ATP10B: variants seen among roughly 807,000 people sequenced by gnomAD.
ATP10B encodes the protein phospholipid-transporting ATPase VB.
In ATP10B, 122 loss-of-function variants were observed where a neutral mutation model predicts 141.2. That is an observed-to-expected ratio of 0.86 (90% CI 0.75 to 1.00). ATP10B has a LOEUF of 1.00. ATP10B is among the 50% of genes least tolerant of loss of function. The pLI is 0.00. For synonymous variants in ATP10B, 685 were observed against 692.0 expected (o/e 0.99, Z 0.16); for missense variants, 1,876 against 1,825.3 (o/e 1.03, Z -0.51).
intron 21 of ATP10B, among the ~76,000 whole-genome samples, chr5:160,601,372 C>CT (rs1757089584): frequency 6.6e-6 from 1 of 152,292 alleles, no homozygotes; most frequent in Non-Finnish European, 1.5e-5. Context: ...TAATCCTCCC[C>CT]TTTTACTTAT....
At chr5:160,616,512 G>C (rs115517256) in intron 16 of ATP10B, among the ~76,000 whole-genome samples, 2,344 of 152,306 alleles carry the variant, frequency 0.015, 27 homozygotes, top group Middle Eastern at 0.075. Context: ...AGAAAGTTCA[G>C]AAATGAGGCT....
chr5:160,848,817 A>T (rs1415094444), intron 1 of ATP10B, among the ~76,000 whole-genome samples: 5 of 152,196 alleles, frequency 3.3e-5, no homozygotes, highest in Non-Finnish European at 7.3e-5. Flanking sequence ...TGATCTAGCT[A>T]TTTGATATAA....
At chr5:160,650,205 CACACATAT>C (rs1274763207) in intron 7 of ATP10B, among the ~76,000 whole-genome samples, 1 of 151,502 alleles carries the variant, frequency 6.6e-6, no homozygotes, top group Non-Finnish European at 1.5e-5. Context: ...CACACACATA[CACACATAT>C]GTACATATAC....
intron 1 of ATP10B, among the ~76,000 whole-genome samples, chr5:160,795,735 C>T (rs546338449): frequency 5.3e-5 from 8 of 151,802 alleles, no homozygotes; most frequent in South Asian, 2.1e-4. Context: ...TAAAAGGCAA[C>T]GCGACCACAG....
At chr5:160,714,694 C>A (rs1765483191) in intron 3 of ATP10B, among the ~76,000 whole-genome samples, 1 of 108,034 alleles carries the variant, frequency 9.3e-6, no homozygotes, top group Non-Finnish European at 1.9e-5. Context: ...AGGCGCTCTG[C>A]GTTTTAGAGT....
chr5:160,852,666 G>C (rs1350656903), upstream of ATP10B, among the ~76,000 whole-genome samples: 1 of 152,078 alleles, frequency 6.6e-6, no homozygotes, highest in Non-Finnish European at 1.5e-5. Flanking sequence ...ATATATTATA[G>C]TGGCAGATTA....
At chr5:160,806,172 C>G (rs1772758824) in intron 1 of ATP10B, among the ~76,000 whole-genome samples, 1 of 151,682 alleles carries the variant, frequency 6.6e-6, no homozygotes, top group Non-Finnish European at 1.5e-5. Context: ...TCTGGAAACA[C>G]TCTCACAGAT....
chr5:160,684,771 C>T, intron 6 of ATP10B: 1 of 622,438 alleles, frequency 1.6e-6, no homozygotes, highest in Non-Finnish European at 2.9e-6. Flanking sequence ...ACAGTAACTG[C>T]AGTGATAGCA....
chr5:160,767,578 TAGA>T (rs1350938807), intron 2 of ATP10B, among the ~76,000 whole-genome samples: 1 of 147,818 alleles, frequency 6.8e-6, no homozygotes, highest in Non-Finnish European at 1.5e-5. Flanking sequence ...ATTACTTTGG[TAGA>T]AGCAAAAAAA....
intron 6 of ATP10B, among the ~76,000 whole-genome samples, chr5:160,685,711 A>AT (rs1763707241): frequency 6.6e-6 from 1 of 152,178 alleles, no homozygotes; most frequent in African/African-American, 2.4e-5. Flanking sequence ...ATAATACTGC[A>AT]TCTGTGTGCT....
chr5:160,893,676 C>T, the ATP10B span, among the ~76,000 whole-genome samples: 1 of 152,224 alleles, frequency 6.6e-6, no homozygotes, highest in African/African-American at 2.4e-5. Context: ...GATCTCCCAG[C>T]ACAGTGCTCC....
At chr5:160,758,967 A>G (rs1028728072) in intron 2 of ATP10B, among the ~76,000 whole-genome samples, 1 of 152,224 alleles carries the variant, frequency 6.6e-6, no homozygotes, top group Non-Finnish European at 1.5e-5. Context: ...CCCACAATGC[A>G]GTAGGATGAT....
the ATP10B span, among the ~76,000 whole-genome samples, chr5:160,870,762 AC>A: frequency 6.6e-6 from 1 of 152,106 alleles, no homozygotes; most frequent in African/African-American, 2.4e-5. Context: ...AAAAAACAAA[AC>A]AAAAACCTAC....
At chr5:160,627,160 C>T (rs150966974) in intron 13 of ATP10B, among the ~76,000 whole-genome samples, 1 of 152,302 alleles carries the variant, frequency 6.6e-6, no homozygotes, top group Non-Finnish European at 1.5e-5. Context: ...TTAATATTTA[C>T]TCCTGTCTCA....
At chr5:160,892,303 T>G in the ATP10B span, among the ~76,000 whole-genome samples, 1 of 152,324 alleles carries the variant, frequency 6.6e-6, no homozygotes, top group Non-Finnish European at 1.5e-5. Flanking sequence ...CCATGCTGAC[T>G]TGCTGTTCTG....
At chr5:160,885,483 C>T in the ATP10B span, among the ~76,000 whole-genome samples, 1,923 of 152,302 alleles carry the variant, frequency 0.013, 39 homozygotes, top group African/African-American at 0.044. Flanking sequence ...GAGGAAGACA[C>T]CTTGGCAAAA....
At chr5:160,888,867 T>A in the ATP10B span, among the ~76,000 whole-genome samples, 1 of 152,226 alleles carries the variant, frequency 6.6e-6, no homozygotes, top group Admixed American at 6.5e-5. Context: ...GAGATATAGA[T>A]GTTACTGGGG....
intron 16 of ATP10B, among the ~76,000 whole-genome samples, chr5:160,617,040 CAG>C (rs541221470): frequency 4.1e-4 from 63 of 152,294 alleles, no homozygotes; most frequent in African/African-American, 1.4e-3. Context: ...GACTAGTACC[CAG>C]GTGGTTCTGG....
chr5:160,606,905 A>G lies in ATP10B; in HGVS notation c.3020T>C (p.Phe1007Ser), dbSNP rs1367684768. 6.2e-7 allele frequency: 1 copy of G among 1,614,184 alleles called. No homozygotes were observed. Among genetic ancestry groups the G allele is most frequent in the Non-Finnish European group, 8.5e-7 (1 of 1,180,012 alleles). The change falls in exon 19 of 26, where the codon TTC becomes TCC. Residue 1007 changes from phenylalanine (F) to serine (S), a missense_variant. Transcript: ENST00000327245. ...VIDGKTLNAI[F>S]QGKLEKKFLE... is the part of the protein sequence containing the mutation. ...AAACTTCTTCTCTAGCTTTCCCTGG[A>G]AGATGGCATTCAATGTCTTCCCATC...
Sources: allele counts gnomAD v4.1 joint callset (sites outside exome capture counted in the v4.1 genomes callset), GRCh38; gene constraint gnomAD v4.1.1; transcripts MANE v1.5; gene names NCBI Gene and HGNC (gene_info 2026-07-23, HGNC 2026-07-21).